The following DNHD1 variants were observed in gnomAD, a reference collection of about 807,000 sequenced individuals.
DNHD1 encodes the protein dynein heavy chain domain 1.
Under a neutral mutation model 458.1 loss-of-function variants are expected in DNHD1, and 383 were observed. The ratio of observed to expected loss-of-function variants is 0.84; its 90% CI spans 0.77 to 0.91. The LOEUF (loss-of-function observed/expected upper bound fraction) is 0.91, where lower values mean the gene tolerates loss of function less well. Among genes scored for constraint, DNHD1 ranks in the 40% least tolerant of loss-of-function variants. The probability of loss-of-function intolerance (pLI) is 0.00; values close to 1 mark genes in which losing one functional copy is unlikely to be tolerated. For synonymous variants in DNHD1, 2,203 were observed against 2,376.9 expected, an observed-to-expected ratio of 0.93 and a Z score of 2.13; for missense variants, 5,336 against 5,866.1, an observed-to-expected ratio of 0.91 and a Z score of 2.95.
At position 6,547,142 on chromosome 11, in the gene DNHD1, T is replaced by C. The variant is rs1270973409; in HGVS notation, c.6203T>C (p.Met2068Thr). Residue 2068 changes from methionine to threonine, a missense_variant, in exon 21 of 43, where the codon ATG becomes ACG. Transcript: ENST00000254579. ...CGTGCAGCCGGTCAGTGTAACAACATGGGCCAAAAGAGGCAGACAGAGGAA... is the reference window on the plus strand; with the variant it reads ...CGTGCAGCCGGTCAGTGTAACAACACGGGCCAAAAGAGGCAGACAGAGGAA... ...VLRAAGQCNN[M>T]GQKRQTEESI... The C allele has an allele frequency of 3.9e-6, 6 of 1,551,596 alleles. No individual in the cohort carries two copies.
In DNHD1 at chr11:6,538,780, C is replaced by CA; in HGVS notation, c.3296dup (p.Ser1100GlufsTer46). Reference sequence around the variant, plus strand: ...CACTAAGCTGGGCAGCCTCCACCCACAGAGCCTCAACTGCCAGTGTCTCCT... The same window carrying CA: ...CACTAAGCTGGGCAGCCTCCACCCACAAGAGCCTCAACTGCCAGTGTCTCCT... On this transcript the variant is annotated frameshift_variant, in exon 16 of 43. Coordinates refer to ENST00000254579, the MANE Select transcript of DNHD1 (RefSeq NM_144666.3). The CA allele has an allele frequency of 6.5e-7, 1 of 1,530,160 alleles. No homozygotes were observed. Among genetic ancestry groups the CA allele is most frequent in the Non-Finnish European group, 8.8e-7 (1 of 1,134,284 alleles). 94.8% of individuals were successfully genotyped at this position (1,530,160 alleles called of 1,614,324 possible).
Position 6,564,621 on chromosome 11 carries a change from G to A in DNHD1, c.10573G>A (p.Gly3525Arg), listed in dbSNP as rs1295097632. 1.3e-6 allele frequency: 2 copies of A among 1,551,730 alleles called. No homozygotes were observed. Among genetic ancestry groups the A allele is most frequent in the Non-Finnish European group, 1.7e-6 (2 of 1,146,994 alleles). Residue 3525 changes from glycine (G) to arginine (R), a missense_variant, in exon 32 of 43, where the codon GGA becomes AGA. Physicochemically the swap from Gly to Arg is moderately radical, Grantham distance 125. This residue lies in a region of DNHD1 where 3,932 missense variants were observed against 4,365.6 expected (regional missense o/e 0.90). Coordinates refer to ENST00000254579, the MANE Select transcript of DNHD1 (RefSeq NM_144666.3). ...SSESEQYQWD[G>R]NLKPQAKSAH... The stretch of plus-strand genomic sequence containing the variant: ...TGAATCGGAGCAGTACCAGTGGGAT[G>A]GAAACCTGAAGCCACAGGCAAAGTC...
intron 24 of DNHD1, 81 bp downstream of exon 24, chr11:6,549,014 T>G: frequency 7.1e-7 from 1 of 1,409,568 alleles, no homozygotes; most frequent in African/African-American, 1.5e-5. Flanking sequence ...TCATTGACTC[T>G]CAAATATATG....
In DNHD1 at chr11:6,498,014, A is replaced by G. The variant is rs373665646; in HGVS notation, c.-202A>G. 27 of 686,082 alleles carry G rather than the reference A, an allele frequency of 3.9e-5. No individual in the cohort carries two copies. In the East Asian group the frequency reaches 6.0e-4, roughly 15 times the overall value. The allele number at this position is 686,082 out of a possible 1,614,324, so 42.5% of individuals were successfully genotyped here. On this transcript the variant is annotated 5_prime_UTR_variant, in exon 3 of 43. Coordinates refer to ENST00000254579, the MANE Select transcript of DNHD1 (RefSeq NM_144666.3). Reference sequence around the variant, plus strand: ...CTGGCTCTGCTCTGTAGCTCCATCTATTTCCCTGTCCCAGGTCCTTTCTTC... The same window carrying G: ...CTGGCTCTGCTCTGTAGCTCCATCTGTTTCCCTGTCCCAGGTCCTTTCTTC...
At chr11:6,534,206 T>C in intron 14 of DNHD1, 33 bp downstream of exon 14, 4 of 1,540,626 alleles carry the variant, frequency 2.6e-6, no homozygotes, top group Non-Finnish European at 3.5e-6. Context: ...CCATTATCAC[T>C]CTGTGATAGA....
intron 29 of DNHD1, 95 bp from the exon 30 acceptor site, chr11:6,563,287 T>A: frequency 4.0e-6 from 6 of 1,495,554 alleles, no homozygotes; most frequent in Non-Finnish European, 5.5e-6. Context: ...TGGCCTCTCA[T>A]GGGGACTCCA....
chr11:6,519,982 CT>C lies in DNHD1; in HGVS notation c.1668del (p.Leu557SerfsTer22). ...NILQAPRQKP[F>X]LSSQLVFDDH... Reference sequence around the variant, plus strand: ...TTTTACAGGCCCCAAGGCAGAAACCCTTTCTCTCATCACAGCTGGTCTTTGA... The same window carrying C: ...TTTTACAGGCCCCAAGGCAGAAACCCTTCTCTCATCACAGCTGGTCTTTGA... On this transcript the variant is annotated frameshift_variant, in exon 9 of 43. Transcript: ENST00000254579. LOFTEE classifies it high-confidence loss of function. 6.2e-7 allele frequency: 1 copy of C among 1,614,170 alleles called. No individual in the cohort carries two copies. The highest frequency in any genetic ancestry group is 1.1e-5 in the South Asian group (1 of 91,078).
rs138712078 is a variant in DNHD1, at chr11:6,509,422, A to C, written c.1235+150A>C. The C allele has an allele frequency of 7.4e-6, 5 of 673,988 alleles. No individual in the cohort carries two copies. In the Admixed American group the frequency reaches 1.6e-4, roughly 21 times the overall value. 41.8% of individuals were successfully genotyped at this position (673,988 alleles called of 1,614,324 possible). A position where few individuals can be genotyped will look rare whatever the true frequency, so the allele number is the denominator to read the frequency against. Reference sequence around the variant, plus strand: ...CCAACCACTATGAACATTTTGTTGCATATCTTTCTAGTCTTTTTTCTATCA... The same window carrying C: ...CCAACCACTATGAACATTTTGTTGCCTATCTTTCTAGTCTTTTTTCTATCA... On this transcript the variant is annotated intron_variant, in intron 6 of 42. Transcript: ENST00000254579.
At position 6,571,023 on chromosome 11, in the gene DNHD1, A is replaced by G. The variant is rs1235843756; in HGVS notation, c.13511A>G (p.Asp4504Gly). The G allele has an allele frequency of 6.3e-7, 1 of 1,589,718 alleles. No individual in the cohort carries two copies. Among genetic ancestry groups the G allele is most frequent in the East Asian group, 2.2e-5 (1 of 44,474 alleles). Residue 4504 changes from aspartate (D) to glycine (G), a missense_variant, in exon 42 of 43, where the codon GAT (aspartate) becomes GGT (glycine). Asp to Gly is a moderately conservative substitution (Grantham distance 94). This residue lies in a region of DNHD1 where 698 missense variants were observed against 664.9 expected (regional missense o/e 1.05). Transcript: ENST00000254579. The surrounding 1 kb of genome is among the most constrained non-coding windows in gnomAD (Gnocchi z 5.0). Reference sequence around the variant, plus strand: ...GTGGGCACGCTACAACGCGACCTTGATTGCCTGTTGCAGCAGCTGAAGGGC... The same window carrying G: ...GTGGGCACGCTACAACGCGACCTTGGTTGCCTGTTGCAGCAGCTGAAGGGC... ...QLVGTLQRDL[D>G]CLLQQLKGAP...
intron 7 of DNHD1, among the ~76,000 whole-genome samples, chr11:6,512,507 C>A (rs892541125): frequency 5.9e-5 from 9 of 152,056 alleles, no homozygotes; most frequent in African/African-American, 2.2e-4. Flanking sequence ...CAGGTGTGAA[C>A]CACCGCGCCT....
At chr11:6,529,267 G>A (rs1852778209) in intron 12 of DNHD1, 146 bp downstream of exon 12, 2 of 885,842 alleles carry the variant, frequency 2.3e-6, no homozygotes, top group South Asian at 1.8e-5. Context: ...CGAGGTCCCA[G>A]GCCCTTTCCT....
Position 6,529,009 on chromosome 11 carries a change from G to A in DNHD1, c.2235G>A (p.Thr745=), listed in dbSNP as rs759884835. ...MRGGPIKNYV[T]LVSRLNVWQA... Reference sequence around the variant, plus strand: ...GTGGTCCCATCAAGAACTACGTGACGCTGGTGAGCCGCCTGAATGTTTGGC... The same window carrying A: ...GTGGTCCCATCAAGAACTACGTGACACTGGTGAGCCGCCTGAATGTTTGGC... Residue 745 remains threonine, a synonymous_variant, in exon 12 of 43, where the codon ACG becomes ACA. Coordinates refer to ENST00000254579, the MANE Select transcript of DNHD1 (RefSeq NM_144666.3). The A allele has an allele frequency of 9.0e-6, 14 of 1,551,534 alleles. No individual in the cohort carries two copies. The highest frequency in any genetic ancestry group is 4.1e-5 in the African/African-American group (3 of 73,174).
chr11:6,545,024 T>G lies in DNHD1; in HGVS notation c.4085T>G (p.Leu1362Arg). The change falls in exon 21 of 43, where the codon CTT becomes CGT. Residue 1362 changes from leucine to arginine, a missense_variant. Physicochemically the swap from Leu to Arg is moderately radical, Grantham distance 102. Coordinates refer to ENST00000254579, the MANE Select transcript of DNHD1 (RefSeq NM_144666.3). The surrounding 1 kb of genome is among the most constrained non-coding windows in gnomAD (Gnocchi z 4.9). ...GCTCACTTCCCCCGCCTCTTCTTCC[T>G]TAGTGACAGTGAGCTGGTAGCCCTG... ...VCAHFPRLFF[L>R]SDSELVALLA... The G allele has an allele frequency of 6.4e-7, 1 of 1,551,830 alleles. No homozygotes were observed. Among genetic ancestry groups the G allele is most frequent in the Non-Finnish European group, 8.7e-7 (1 of 1,147,010 alleles).
rs1259796135 is a variant in DNHD1, at chr11:6,548,819, C to T, written c.7273C>T (p.Leu2425=). 2.6e-6 allele frequency: 4 copies of T among 1,551,732 alleles called. No homozygotes were observed. Among genetic ancestry groups the T allele is most frequent in the Non-Finnish European group, 3.5e-6 (4 of 1,147,000 alleles). The change falls in exon 24 of 43, where the codon CTG becomes TTG. Residue 2425 remains leucine (L), a synonymous_variant. Transcript: ENST00000254579. The surrounding 1 kb of genome is among the most constrained non-coding windows in gnomAD (Gnocchi z 4.4). ...CTTCAGTTCCTCCCACCTCCGTCTC[C>T]TGCTGAGCAGAGGAATCCAGGGCCA... The part of the protein sequence containing the change: ...PAFSSSHLRL[L]LSRGIQGQTQ...
intron 14 of DNHD1, among the ~76,000 whole-genome samples, chr11:6,537,989 G>A (rs1387129625): frequency 6.6e-6 from 1 of 152,174 alleles, no homozygotes; most frequent in African/African-American, 2.4e-5. Context: ...GAGGGCATGA[G>A]CCATGTGATT....
chr11:6,517,764 G>A lies in DNHD1; in HGVS notation c.1393-1836G>A, dbSNP rs187574557. On this transcript the variant is annotated intron_variant, in intron 7 of 42. Coordinates refer to ENST00000254579, the MANE Select transcript of DNHD1 (RefSeq NM_144666.3). ...CCCAAAGACTCCACCTCATAATACC[G>A]TCACCTTATGGGTTCAGATTTCAAA... is the stretch of plus-strand genomic sequence containing the variant. 9.7e-3 allele frequency among the ~76,000 whole-genome samples: 1,329 copies of A among 136,912 alleles called. 19 individuals are homozygous for A. The highest frequency in any genetic ancestry group is 0.033 in the African/African-American group (1,232 of 37,280). 89.8% of individuals were successfully genotyped at this position (136,912 alleles called of 152,430 possible). A position where few individuals can be genotyped will look rare whatever the true frequency, so the allele number is the denominator to read the frequency against.
rs180883875 is a variant in DNHD1, at chr11:6,541,121, G to A, written c.3628+1038G>A. On this transcript the variant is annotated intron_variant, in intron 18 of 42. Transcript: ENST00000254579. ...CACTGTGTGGAGAGAGGGAGGTGGG[G>A]AGAGGACTTCCAAGGAGATTAAGAC... is the stretch of plus-strand genomic sequence containing the variant. Among the ~76,000 whole-genome samples the A allele has an allele frequency of 1.2e-4, 18 of 152,326 alleles. 1 individual carries two copies. The East Asian group carries it at 2.7e-3, about 23-fold the overall frequency.
At position 6,539,929 on chromosome 11, in the gene DNHD1, G is replaced by A; in HGVS notation, c.3474G>A (p.Leu1158=). 6.4e-7 allele frequency: 1 copy of A among 1,551,722 alleles called. No individual in the cohort carries two copies. Among genetic ancestry groups the A allele is most frequent in the Non-Finnish European group, 8.7e-7 (1 of 1,146,994 alleles). ...ATGCCCAAGAGACTATACGGCGGTT[G>A]CAGCGGTACTGGGAAGCGCGCCAGC... The part of the protein sequence containing the change: ...RIHAQETIRR[L]QRYWEARQLR... The change falls in exon 18 of 43, where the codon TTG becomes TTA. Residue 1158 remains leucine, a synonymous_variant. Transcript: ENST00000254579.
chr11:6,570,880 G>A lies in DNHD1; in HGVS notation c.13368G>A (p.Leu4456=). 1 of 1,614,000 alleles carries A rather than the reference G, an allele frequency of 6.2e-7. No individual in the cohort carries two copies. Among genetic ancestry groups the A allele is most frequent in the East Asian group, 2.2e-5 (1 of 44,888 alleles). The change falls in exon 42 of 43, where the codon CTG becomes CTA. Residue 4456 remains leucine, a synonymous_variant. Transcript: ENST00000254579. ...VNRRLESLQD[L]LTHVIRQDES... is the part of the protein sequence containing the mutation. ...GGAGGCTGGAGTCACTGCAGGATCTGCTGACCCACGTGATTCGCCAAGACG... is the reference window on the plus strand; with the variant it reads ...GGAGGCTGGAGTCACTGCAGGATCTACTGACCCACGTGATTCGCCAAGACG...
Sources: gnomAD v4.1 joint callset for allele counts (sites outside exome capture counted in the v4.1 genomes callset) on GRCh38, gnomAD v4.1.1 for gene constraint, gnomAD v4.1.1 regional missense constraint, Gnocchi (gnomAD v3.1) non-coding constraint, MANE v1.5 for transcripts, NCBI Gene and HGNC (gene_info 2026-07-23, HGNC 2026-07-21) for gene names.